Variants in ITGA11 observed in about 807,000 individuals in gnomAD.
ITGA11 encodes the protein integrin alpha-11.
In ITGA11, 97 loss-of-function variants were observed where a neutral mutation model predicts 141.9. That is an observed-to-expected ratio of 0.68 (90% CI 0.58 to 0.81). ITGA11 has a LOEUF of 0.81. Ranked by LOEUF, ITGA11 falls within the 30% of genes least tolerant of loss-of-function variation. The pLI, the probability that ITGA11 is intolerant of heterozygous loss-of-function variation, is 0.00. For synonymous variants in ITGA11, 658 were observed against 624.6 expected (o/e 1.05, Z -0.80); for missense variants, 1,387 against 1,559.2 (o/e 0.89, Z 1.86).
chr15:68,357,024 A>G, intron 7 of ITGA11, 127 bp downstream of exon 7: 2 of 903,178 alleles, frequency 2.2e-6, no homozygotes, highest in South Asian at 3.7e-5. Flanking sequence ...AAACTCCAGA[A>G]TTTTGAGGAA....
In ITGA11 at chr15:68,311,078, C is replaced by A; in HGVS notation, c.3090G>T (p.Ala1030=). The change falls in exon 26 of 30, where the codon GCG becomes GCT. Residue 1030 remains alanine (A), a splice_region_variant and synonymous_variant. Coordinates refer to ENST00000315757, the MANE Select transcript of ITGA11 (RefSeq NM_001004439.2). The part of the protein sequence containing the change: ...LKLRDFLTDE[A]NTSCNIWGNS... ...TGCCCCAGATGTTACAGGACGTGTTCGCCTACATAAAGGACATGGACACAC... is the reference window on the plus strand; with the variant it reads ...TGCCCCAGATGTTACAGGACGTGTTAGCCTACATAAAGGACATGGACACAC... 6.2e-7 allele frequency: 1 copy of A among 1,605,808 alleles called. No homozygotes were observed. The highest frequency in any genetic ancestry group is 8.5e-7 in the Non-Finnish European group (1 of 1,175,806).
Position 68,307,332 on chromosome 15 carries a change from G to A in ITGA11, c.3381+16C>T, listed in dbSNP as rs762766735. 3.9e-6 allele frequency: 6 copies of A among 1,540,894 alleles called. No homozygotes were observed. The highest frequency in any genetic ancestry group is 2.4e-5 in the South Asian group (2 of 83,908). The stretch of plus-strand genomic sequence containing the variant: ...TCCGGCCTAAGCCCAGTTCTGCAGG[G>A]CTCCCAGGGGCTCACCTGGCGGCTG... On this transcript the variant is annotated intron_variant, in intron 28 of 29. Transcript: ENST00000315757. This position sits in a 1 kb window ranked among gnomAD's most constrained non-coding sequence, Gnocchi z 6.1.
At chr15:68,423,504 G>T (rs956521801) in intron 1 of ITGA11, among the ~76,000 whole-genome samples, 1 of 152,184 alleles carries the variant, frequency 6.6e-6, no homozygotes, top group Admixed American at 6.5e-5. Flanking sequence ...GGCGTGTGCA[G>T]GTGCCCAAAC....
chr15:68,402,551 G>C (rs1214007717), intron 2 of ITGA11, among the ~76,000 whole-genome samples: 3 of 151,962 alleles, frequency 2.0e-5, no homozygotes, highest in Non-Finnish European at 2.9e-5. Context: ...GTTTCAGCTA[G>C]AGAGCACACT....
chr15:68,414,488 C>T (rs530148764), intron 1 of ITGA11, among the ~76,000 whole-genome samples: 21 of 152,184 alleles, frequency 1.4e-4, no homozygotes, highest in Admixed American at 6.5e-4. Context: ...CCTGGTTTCT[C>T]GACTGGCTAT....
At chr15:68,417,524 C>T (rs1377235146) in intron 1 of ITGA11, among the ~76,000 whole-genome samples, 1 of 152,208 alleles carries the variant, frequency 6.6e-6, no homozygotes, top group African/African-American at 2.4e-5. Flanking sequence ...AAGCTATGCT[C>T]TTTGCAGCAG....
At chr15:68,424,011 G>A (rs1328063632) in intron 1 of ITGA11, among the ~76,000 whole-genome samples, 1 of 152,194 alleles carries the variant, frequency 6.6e-6, no homozygotes, top group African/African-American at 2.4e-5. Context: ...CCCAGTGCCG[G>A]TGCATCTGTC....
chr15:68,412,101 A>T (rs1002760899), intron 1 of ITGA11, among the ~76,000 whole-genome samples: 1 of 152,040 alleles, frequency 6.6e-6, no homozygotes, highest in Non-Finnish European at 1.5e-5. Context: ...TGCCACTGAG[A>T]TTTGGGGGGA....
At chr15:68,311,125 A>G (rs1337871018) in intron 25 of ITGA11, 45 bp from the exon 26 acceptor site, 5 of 1,486,490 alleles carry the variant, frequency 3.4e-6, no homozygotes, top group Non-Finnish European at 3.7e-6. Context: ...CAGCCTCACA[A>G]CCAGCTCTGG....
intron 10 of ITGA11, among the ~76,000 whole-genome samples, chr15:68,345,751 G>A (rs551603050): frequency 4.9e-4 from 74 of 152,290 alleles, no homozygotes; most frequent in Admixed American, 1.0e-3. Flanking sequence ...AGGGCAAAGT[G>A]GAAAGGCTGG....
chr15:68,427,945 T>A (rs1043841235), intron 1 of ITGA11, among the ~76,000 whole-genome samples: 1 of 152,128 alleles, frequency 6.6e-6, no homozygotes, highest in Non-Finnish European at 1.5e-5. Flanking sequence ...ACTTCAGTGA[T>A]GAGGATCAGC....
intron 21 of ITGA11, among the ~76,000 whole-genome samples, chr15:68,316,228 C>T (rs1893570107): frequency 6.6e-6 from 1 of 152,238 alleles, no homozygotes; most frequent in African/African-American, 2.4e-5. Context: ...GGCCACCCAG[C>T]AGGCCAACAA....
chr15:68,306,422 C>G (rs75922897), intron 28 of ITGA11, among the ~76,000 whole-genome samples: 1 of 152,188 alleles, frequency 6.6e-6, no homozygotes, highest in South Asian at 2.1e-4. Context: ...TTTCAAGATT[C>G]GGTTCAAACA....
chr15:68,346,835 T>G (rs1240971734), intron 10 of ITGA11, among the ~76,000 whole-genome samples: 1 of 152,140 alleles, frequency 6.6e-6, no homozygotes. Flanking sequence ...TCACGTTGCT[T>G]TGGTTAACAT....
At chr15:68,404,700 G>A (rs1896598590) in intron 1 of ITGA11, among the ~76,000 whole-genome samples, 1 of 152,096 alleles carries the variant, frequency 6.6e-6, no homozygotes, top group Non-Finnish European at 1.5e-5. Flanking sequence ...CACCTACTCT[G>A]TGACGCCTCC....
Position 68,350,675 on chromosome 15 carries a change from A to G in ITGA11, c.1002T>C (p.Asp334=), listed in dbSNP as rs1430965942. ...PDDKHFFNVT[D]EAALKDIVDA... ...CGACAATGTCCTTCAAGGCAGCCTC[A>G]TCAGTGACATTGAAGAAGTGCTTGT... The change falls in exon 9 of 30, where the codon GAT becomes GAC. Residue 334 remains aspartate (D), a synonymous_variant. Coordinates refer to ENST00000315757, the MANE Select transcript of ITGA11 (RefSeq NM_001004439.2). The G allele has an allele frequency of 6.2e-7, 1 of 1,613,806 alleles. No individual in the cohort carries two copies. Among genetic ancestry groups the G allele is most frequent in the South Asian group, 1.1e-5 (1 of 91,066 alleles).
Position 68,320,313 on chromosome 15 carries a change from T to C in ITGA11, c.2488A>G (p.Ile830Val). ...YTLSFDTTVF[I>V]IESTRQRVAV... ...ACTCGCTGGCGTGTGCTCTCTATGA[T>C]GAAGACTGTGGTGTCGAAGGACAGC... Residue 830 changes from isoleucine to valine, a missense_variant, in exon 20 of 30, where the codon ATC becomes GTC. Coordinates refer to ENST00000315757, the MANE Select transcript of ITGA11 (RefSeq NM_001004439.2). 6.2e-7 allele frequency: 1 copy of C among 1,613,888 alleles called. No homozygotes were observed. Among genetic ancestry groups the C allele is most frequent in the Non-Finnish European group, 8.5e-7 (1 of 1,179,838 alleles).
rs1164991102 is a variant in ITGA11, at chr15:68,325,186, T to G, written c.2267A>C (p.Asp756Ala). Residue 756 changes from aspartate to alanine, a missense_variant, in exon 18 of 30, where the codon GAC becomes GCC. Physicochemically the swap from Asp to Ala is moderately radical, Grantham distance 126. Coordinates refer to ENST00000315757, the MANE Select transcript of ITGA11 (RefSeq NM_001004439.2). The surrounding 1 kb of genome is among the most constrained non-coding windows in gnomAD (Gnocchi z 5.5). ...VTFSVEYSLE[D>A]PDHGPMLDDG... ...GTCCAGCATGGGGCCATGGTCAGGG[T>G]CCTCCAGGGAATACTCGACTGAGAA... 1 of 1,613,352 alleles carries G rather than the reference T, an allele frequency of 6.2e-7. No homozygotes were observed. The highest frequency in any genetic ancestry group is 1.3e-5 in the African/African-American group (1 of 74,692).
chr15:68,312,811 A>C lies in ITGA11; in HGVS notation c.2935T>G (p.Tyr979Asp). The C allele has an allele frequency of 1.2e-6, 2 of 1,613,798 alleles. No homozygotes were observed. The highest frequency in any genetic ancestry group is 1.3e-5 in the African/African-American group (1 of 75,032). ...EVKPNSSLER[Y>D]DGIGPPFSCI... ...CTGAAGGGAGGCCCGATACCATCGT[A>C]TCTCTCCAGCGAGCTGTTGGGCTTG... Residue 979 changes from tyrosine to aspartate, a missense_variant, in exon 24 of 30, where the codon TAC (tyrosine) becomes GAC (aspartate). Physicochemically the swap from Tyr to Asp is radical, Grantham distance 160 (BLOSUM62 -3). Coordinates refer to ENST00000315757, the MANE Select transcript of ITGA11 (RefSeq NM_001004439.2).
Sources: allele counts gnomAD v4.1 joint callset (sites outside exome capture counted in the v4.1 genomes callset), GRCh38; gene constraint gnomAD v4.1.1; non-coding constraint Gnocchi (gnomAD v3.1); transcripts MANE v1.5; gene names NCBI Gene and HGNC (gene_info 2026-07-23, HGNC 2026-07-21).